RAB30: variants seen among roughly 807,000 people sequenced by gnomAD.
The protein encoded by RAB30 is RAB30, member RAS oncogene family.
RAB30 carries 9 observed loss-of-function variants against 25.1 expected under a neutral mutation model. That is an observed-to-expected ratio of 0.36 (90% confidence interval 0.22 to 0.63). The LOEUF (loss-of-function observed/expected upper bound fraction) is 0.63, where lower values mean the gene tolerates loss of function less well. RAB30 is among the 20% of genes least tolerant of loss of function. The probability of loss-of-function intolerance (pLI) is 0.69; values close to 1 mark genes in which losing one functional copy is unlikely to be tolerated. For synonymous variants in RAB30, 77 were observed against 86.4 expected (o/e 0.89, Z 0.60); for missense variants, 140 against 243.5 (o/e 0.58, Z 2.83).
rs182221009 is a variant in RAB30, at chr11:83,036,714, C to T, written c.-9+34977G>A. On this transcript the variant is annotated intron_variant, in intron 1 of 4. Transcript: ENST00000527633. Reference sequence around the variant, plus strand: ...CCTCAGAGGACTGATGGGATCAGGCCTCTCTGAGAAAGTGAGATGTGAGCT... The same window carrying T: ...CCTCAGAGGACTGATGGGATCAGGCTTCTCTGAGAAAGTGAGATGTGAGCT... Among the ~76,000 whole-genome samples, 1,027 of 152,174 alleles carry T rather than the reference C, an allele frequency of 6.7e-3. 5 individuals are homozygous for T. Among genetic ancestry groups the T allele is most frequent in the Middle Eastern group, 0.02 (6 of 294 alleles).
intron 1 of RAB30, among the ~76,000 whole-genome samples, chr11:83,049,325 C>T (rs1358709998): frequency 6.6e-6 from 1 of 151,526 alleles, no homozygotes; most frequent in Non-Finnish European, 1.5e-5. Flanking sequence ...GCAGGAGAAT[C>T]GCTTGAACCC....
chr11:82,988,996 A>G (rs545680189), intron 3 of RAB30, among the ~76,000 whole-genome samples: 1 of 150,880 alleles, frequency 6.6e-6, no homozygotes, highest in African/African-American at 2.4e-5. Flanking sequence ...TTTAATAGCC[A>G]TCTTTCCCAC....
chr11:83,050,336 G>A (rs1053097922), intron 1 of RAB30, among the ~76,000 whole-genome samples: 3 of 151,866 alleles, frequency 2.0e-5, no homozygotes, highest in Non-Finnish European at 2.9e-5. Flanking sequence ...TCAACACCCC[G>A]CTCCCCTTAC....
intron 1 of RAB30, among the ~76,000 whole-genome samples, chr11:83,050,052 G>A (rs1208668142): frequency 6.6e-6 from 1 of 152,062 alleles, no homozygotes; most frequent in Non-Finnish European, 1.5e-5. Context: ...GAGCCTAAGA[G>A]TTTGAGACCA....
At chr11:83,052,918 A>C (rs1204946722) in intron 1 of RAB30, among the ~76,000 whole-genome samples, 2 of 152,230 alleles carry the variant, frequency 1.3e-5, no homozygotes, top group Admixed American at 6.5e-5. Context: ...CTGGGAAAAG[A>C]GACAGTGAGG....
intron 4 of RAB30, among the ~76,000 whole-genome samples, chr11:82,985,885 T>C (rs1204242788): frequency 6.6e-6 from 1 of 151,956 alleles, no homozygotes; most frequent in Non-Finnish European, 1.5e-5. Flanking sequence ...CTAATCTCGC[T>C]ACATTGCCCA....
intron 1 of RAB30, among the ~76,000 whole-genome samples, chr11:83,050,729 C>G (rs1298312798): frequency 2.6e-5 from 4 of 151,740 alleles, no homozygotes; most frequent in African/African-American, 9.7e-5. Context: ...ATAATGGCAT[C>G]TTAGCATTTT....
intron 1 of RAB30, among the ~76,000 whole-genome samples, chr11:83,050,758 C>A (rs1211942503): frequency 1.3e-5 from 2 of 151,142 alleles, no homozygotes; most frequent in Non-Finnish European, 2.9e-5. Flanking sequence ...GTATTAGGAA[C>A]CTCATTTTCT....
chr11:83,016,374 T>C (rs1565277917), intron 1 of RAB30, among the ~76,000 whole-genome samples: 1 of 152,158 alleles, frequency 6.6e-6, no homozygotes, highest in Non-Finnish European at 1.5e-5. Flanking sequence ...TCAACAGATT[T>C]TTAAGTTAAA....
intron 1 of RAB30, among the ~76,000 whole-genome samples, chr11:83,058,920 A>G (rs1392349451): frequency 6.6e-6 from 1 of 152,164 alleles, no homozygotes; most frequent in East Asian, 1.9e-4. Flanking sequence ...CTGTCTCCTG[A>G]CCAGCCACCA....
intron 1 of RAB30, among the ~76,000 whole-genome samples, chr11:83,018,136 T>A (rs1458909255): frequency 6.6e-6 from 1 of 151,788 alleles, no homozygotes; most frequent in Non-Finnish European, 1.5e-5. Flanking sequence ...CTGTCTGTAC[T>A]AAAAATACAA....
intron 1 of RAB30, among the ~76,000 whole-genome samples, chr11:83,020,238 C>T (rs1240169465): frequency 6.6e-6 from 1 of 152,252 alleles, no homozygotes; most frequent in Non-Finnish European, 1.5e-5. Context: ...TCCAGGAAGG[C>T]CCCCGCTTGC....
chr11:83,052,683 G>C (rs2121518644), intron 1 of RAB30, among the ~76,000 whole-genome samples: 1 of 152,288 alleles, frequency 6.6e-6, no homozygotes. Context: ...CCTTCCATGT[G>C]ATCCTGTCTT....
intron 1 of RAB30, among the ~76,000 whole-genome samples, chr11:83,014,127 C>T (rs975708753): frequency 5.9e-5 from 9 of 152,154 alleles, no homozygotes; most frequent in African/African-American, 1.9e-4. Flanking sequence ...TAAGCATATA[C>T]ACAAATAAAC....
chr11:83,008,136 C>T (rs1857226386), intron 1 of RAB30, among the ~76,000 whole-genome samples: 1 of 152,170 alleles, frequency 6.6e-6, no homozygotes, highest in Non-Finnish European at 1.5e-5. Flanking sequence ...CTCCTCCCAC[C>T]GGGCTGAACA....
At position 83,030,362 on chromosome 11, in the gene RAB30, G is replaced by T. The variant is rs555981087; in HGVS notation, c.-8-33038C>A. ...AAAAAAAAAAAATTAGTTGGGTGTG[G>T]TGGTATATGCCTGTAGTCCCAGCTT... is the stretch of plus-strand genomic sequence containing the variant. On this transcript the variant is annotated intron_variant, in intron 1 of 4. Transcript: ENST00000527633. Among the ~76,000 whole-genome samples, 16 of 151,944 alleles carry T rather than the reference G, an allele frequency of 1.1e-4. 1 individual carries two copies. The South Asian group carries it at 3.1e-3, about 30-fold the overall frequency.
intron 1 of RAB30, among the ~76,000 whole-genome samples, chr11:83,069,198 A>G (rs534955003): frequency 7.2e-5 from 11 of 152,170 alleles, no homozygotes; most frequent in Non-Finnish European, 1.5e-4. Flanking sequence ...CATTCAGCCC[A>G]TTTCTCCTCC....
At chr11:83,019,295 G>A (rs746580277) in intron 1 of RAB30, among the ~76,000 whole-genome samples, 10 of 152,118 alleles carry the variant, frequency 6.6e-5, no homozygotes, top group Non-Finnish European at 1.3e-4. Context: ...CAAAGTGCTG[G>A]GATTACAGGC....
rs1477995692 is a variant in RAB30 at position 82,978,682 on chromosome 11, G to A, written c.*3483C>T. On this transcript the variant is annotated 3_prime_UTR_variant, in exon 5 of 5. Transcript: ENST00000527633. ...ATTATGGGCTAGCTTAAAGGGTAAT[G>A]TGGCAAATCATTGGCCTAATTCTGT... The A allele has an allele frequency of 6.6e-6, 1 of 152,126 alleles. No individual in the cohort carries two copies. 9.4% of individuals were successfully genotyped at this position (152,126 alleles called of 1,614,324 possible).
Sources: gnomAD v4.1 joint callset for allele counts (sites outside exome capture counted in the v4.1 genomes callset) on GRCh38, gnomAD v4.1.1 for gene constraint, MANE v1.5 for transcripts, NCBI Gene and HGNC (gene_info 2026-07-23, HGNC 2026-07-21) for gene names.